OCA2: variants seen among roughly 807,000 people sequenced by gnomAD.
OCA2 encodes the protein P protein.
OCA2 carries 77 observed loss-of-function variants against 100.2 expected under a neutral mutation model. The ratio of observed to expected loss-of-function variants is 0.77; its 90% CI spans 0.64 to 0.93. The LOEUF (loss-of-function observed/expected upper bound fraction) is 0.93. OCA2 is among the 40% of genes least tolerant of loss of function. OCA2 has a pLI of 0.00. For missense variants in OCA2, 1,062 were observed against 1,089.1 expected (o/e 0.98, Z 0.35); for synonymous variants, 432 against 439.2 (o/e 0.98, Z 0.21).
the OCA2 span, among the ~76,000 whole-genome samples, chr15:27,722,405 A>G: frequency 6.6e-6 from 1 of 152,190 alleles, no homozygotes; most frequent in African/African-American, 2.4e-5. Flanking sequence ...CCTTCTGCAC[A>G]CCTGGCAGCC....
intron 19 of OCA2, among the ~76,000 whole-genome samples, chr15:27,891,346 T>C (rs773843442): frequency 3.3e-5 from 5 of 152,060 alleles, no homozygotes; most frequent in African/African-American, 4.8e-5. Context: ...CTGTAAAAAA[T>C]GTTCAAGTAA....
chr15:27,987,908 T>C (rs867850774), intron 11 of OCA2, among the ~76,000 whole-genome samples: 5 of 152,204 alleles, frequency 3.3e-5, no homozygotes, highest in East Asian at 3.9e-4. Flanking sequence ...AAATAAACTA[T>C]AGAAAACAAA....
chr15:28,000,214 T>C (rs2041884989), intron 9 of OCA2, among the ~76,000 whole-genome samples: 1 of 152,088 alleles, frequency 6.6e-6, no homozygotes, highest in South Asian at 2.1e-4. Flanking sequence ...TCAAACTATA[T>C]TACACATCTA....
chr15:27,812,446 C>A (rs2034115940), intron 23 of OCA2, among the ~76,000 whole-genome samples: 1 of 152,084 alleles, frequency 6.6e-6, no homozygotes, highest in Non-Finnish European at 1.5e-5. Context: ...ACAGGGGTGG[C>A]AGTTTCTCCA....
the OCA2 span, among the ~76,000 whole-genome samples, chr15:27,721,232 G>C: frequency 6.6e-6 from 1 of 152,052 alleles, no homozygotes; most frequent in South Asian, 2.1e-4. Context: ...AGCCAGGTGC[G>C]GTGCTCAGGC....
the OCA2 span, among the ~76,000 whole-genome samples, chr15:27,737,084 G>C: frequency 1.3e-5 from 2 of 152,226 alleles, no homozygotes; most frequent in African/African-American, 4.8e-5. Context: ...ACTTTTTAAA[G>C]GATACCATTT....
chr15:27,811,953 T>C (rs2034097077), intron 23 of OCA2, among the ~76,000 whole-genome samples: 1 of 152,242 alleles, frequency 6.6e-6, no homozygotes, highest in South Asian at 2.1e-4. Flanking sequence ...AAGGGCTTAA[T>C]GGTGATTAAA....
At chr15:27,945,679 A>G (rs1446873563) in intron 18 of OCA2, among the ~76,000 whole-genome samples, 2 of 152,250 alleles carry the variant, frequency 1.3e-5, no homozygotes, top group Non-Finnish European at 2.9e-5. Context: ...TTGCTCAACC[A>G]GAGGGACACC....
At chr15:27,997,112 A>AAAGG (rs879711885) in intron 9 of OCA2, among the ~76,000 whole-genome samples, 3 of 84,384 alleles carry the variant, frequency 3.6e-5, no homozygotes, top group East Asian at 2.4e-4. Flanking sequence ...GAAAGAAAAG[A>AAAGG]AAGGAAGGAA....
intron 18 of OCA2, among the ~76,000 whole-genome samples, chr15:27,942,761 C>T (rs1386207881): frequency 6.6e-6 from 1 of 152,068 alleles, no homozygotes; most frequent in Non-Finnish European, 1.5e-5. Flanking sequence ...TAATTCTACC[C>T]ACGGTGAGGA....
the OCA2 span, among the ~76,000 whole-genome samples, chr15:27,723,646 T>A: frequency 6.6e-6 from 1 of 152,072 alleles, no homozygotes. Context: ...GCGGCTTCAA[T>A]CTCTCATTCA....
intron 1 of OCA2, 101 bp downstream of exon 1, chr15:28,099,123 G>A (rs2045038597): frequency 6.5e-6 from 1 of 154,834 alleles, no homozygotes; most frequent in South Asian, 2.1e-4. Flanking sequence ...TGCTTCCTAA[G>A]CCGCGACTCA....
intron 1 of OCA2, 30 bp from the exon 2 acceptor site, chr15:28,081,925 A>G (rs2044646392): frequency 6.5e-7 from 1 of 1,544,038 alleles, no homozygotes. Context: ...ACCACTCTTC[A>G]TGAAAGGCAC....
At chr15:27,768,499 A>G (rs1267508828) in intron 23 of OCA2, among the ~76,000 whole-genome samples, 1 of 152,166 alleles carries the variant, frequency 6.6e-6, no homozygotes, top group Non-Finnish European at 1.5e-5. Flanking sequence ...TAGCGAATCA[A>G]TAGCTTATGT....
intron 2 of OCA2, among the ~76,000 whole-genome samples, chr15:28,045,975 C>A (rs1228936890): frequency 6.6e-6 from 1 of 152,204 alleles, no homozygotes; most frequent in Non-Finnish European, 1.5e-5. Context: ...TTCACCAGGG[C>A]AGCTGCTCAG....
intron 18 of OCA2, among the ~76,000 whole-genome samples, chr15:27,945,458 G>A (rs1238100745): frequency 2.0e-5 from 3 of 152,176 alleles, no homozygotes; most frequent in African/African-American, 4.8e-5. Flanking sequence ...GAGAAGCAAG[G>A]AGCTGAGGGC....
chr15:27,893,874 T>G (rs914890905), intron 19 of OCA2, among the ~76,000 whole-genome samples: 1 of 152,228 alleles, frequency 6.6e-6, no homozygotes, highest in African/African-American at 2.4e-5. Context: ...GTGGTTCTGC[T>G]TTTGCCCTTT....
At position 28,062,927 on chromosome 15, in the gene OCA2, T is replaced by C. The variant is rs553546512; in HGVS notation, c.227+18721A>G. Among the ~76,000 whole-genome samples the C allele has an allele frequency of 5.3e-4, 81 of 152,340 alleles. 1 individual carries two copies. The highest frequency in any genetic ancestry group is 1.9e-3 in the African/African-American group (80 of 41,586). On this transcript the variant is annotated intron_variant, in intron 2 of 23. Transcript: ENST00000354638. ...TCATTAATCTGTATGTCTATCCTTATGCCAGAAACACACAGTCTTAAATTA... is the reference window on the plus strand; with the variant it reads ...TCATTAATCTGTATGTCTATCCTTACGCCAGAAACACACAGTCTTAAATTA...
downstream of OCA2, among the ~76,000 whole-genome samples, chr15:27,751,978 T>C (rs1344604712): frequency 2.6e-5 from 4 of 152,340 alleles, no homozygotes; most frequent in South Asian, 8.3e-4. Flanking sequence ...GATCTTCTGT[T>C]ATGAAGTATG....
Sources: allele counts gnomAD v4.1 joint callset (sites outside exome capture counted in the v4.1 genomes callset), GRCh38; gene constraint gnomAD v4.1.1; transcripts MANE v1.5; gene names NCBI Gene and HGNC (gene_info 2026-07-23, HGNC 2026-07-21).